CXADR: variants seen among roughly 807,000 people sequenced by gnomAD.
CXADR encodes the protein coxsackievirus and adenovirus receptor.
CXADR carries 20 observed loss-of-function variants against 40.3 expected under a neutral mutation model. The observed-to-expected ratio is 0.50, with a 90% CI of 0.35 to 0.72. The LOEUF (loss-of-function observed/expected upper bound fraction) is 0.72. Ranked by LOEUF, CXADR falls within the 30% of genes least tolerant of loss-of-function variation. The pLI is 0.01. For missense variants in CXADR, 332 were observed against 449.1 expected (o/e 0.74, Z 2.36); for synonymous variants, 150 against 161.3 (o/e 0.93, Z 0.53).
intron 7 of CXADR, among the ~76,000 whole-genome samples, chr21:17,582,097 CA>C (rs11321419): frequency 1 from 151,946 of 151,946 alleles, 75,973 homozygotes; most frequent in Non-Finnish European, 1. Context: ...GCACCTGCCA[CA>C]CATTTCCTAA....
At chr21:17,565,300 CA>C in intron 6 of CXADR, 127 bp from the exon 7 acceptor site, 1 of 908,346 alleles carries the variant, frequency 1.1e-6, no homozygotes, top group Non-Finnish European at 1.6e-6. Flanking sequence ...CACACACACA[CA>C]CACACACACA....
intron 1 of CXADR, among the ~76,000 whole-genome samples, chr21:17,514,609 G>C (rs986480422): frequency 1.3e-5 from 2 of 150,652 alleles, no homozygotes; most frequent in Non-Finnish European, 2.9e-5. Flanking sequence ...AAGCAGAAAA[G>C]TGGAAGAACA....
chr21:17,563,235 T>C (rs1188018765), intron 6 of CXADR, among the ~76,000 whole-genome samples: 2 of 152,166 alleles, frequency 1.3e-5, no homozygotes, highest in Non-Finnish European at 2.9e-5. Context: ...TGCAGTGAGC[T>C]AGGATCGCAC....
chr21:17,576,651 G>A (rs1267817780), intron 7 of CXADR: 1 of 152,138 alleles, frequency 6.6e-6, no homozygotes, highest in South Asian at 2.1e-4. Flanking sequence ...AAGTATGTCG[G>A]ATTGGGCAGT....
At chr21:17,626,298 T>C in the CXADR span, among the ~76,000 whole-genome samples, 26,234 of 152,192 alleles carry the variant, frequency 0.17, 2,693 homozygotes, top group East Asian at 0.23. Flanking sequence ...ACATGCTAAA[T>C]GTAAGCAAGA....
chr21:17,590,905 TAAAA>T, intron 7 of CXADR, among the ~76,000 whole-genome samples: 1 of 152,050 alleles, frequency 6.6e-6, no homozygotes, highest in Non-Finnish European at 1.5e-5. Context: ...TTTCCAGCAA[TAAAA>T]TTACTATCAG....
intron 3 of CXADR, among the ~76,000 whole-genome samples, chr21:17,555,881 G>A (rs1305810954): frequency 6.6e-6 from 1 of 152,116 alleles, no homozygotes; most frequent in African/African-American, 2.4e-5. Context: ...GAACCAATAA[G>A]AAATTATATT....
downstream of CXADR, among the ~76,000 whole-genome samples, chr21:17,570,696 CTTCTGGCTAATAAAATGTAT>C (rs1740101249): frequency 6.6e-6 from 1 of 152,096 alleles, no homozygotes; most frequent in South Asian, 2.1e-4. Context: ...GAGATTTGGG[CTTCTGGCTAATAAAATGTAT>C]ATCAACATGA....
chr21:17,559,266 A>G, intron 4 of CXADR, 135 bp downstream of exon 4: 4 of 889,346 alleles, frequency 4.5e-6, no homozygotes, highest in East Asian at 5.3e-5. Context: ...TGAAGCTTCA[A>G]CCTCCTAGGC....
chr21:17,529,344 A>G (rs1240749564), intron 1 of CXADR, among the ~76,000 whole-genome samples: 1 of 150,622 alleles, frequency 6.6e-6, no homozygotes, highest in East Asian at 2.0e-4. Context: ...TTTTTGAGAC[A>G]CAGTTTCATT....
In CXADR at chr21:17,566,790, T is replaced by C. The variant is rs867803568; in HGVS notation, c.*1098T>C. 157 of 966,338 alleles carry C rather than the reference T, an allele frequency of 1.6e-4. 1 individual carries two copies. The Middle Eastern group carries it at 4.8e-3, about 29-fold the overall frequency. The allele number at this position is 966,338 out of a possible 1,614,324, so 59.9% of individuals were successfully genotyped here. ...ATAAATGCAGAATAATCAAATACATTTTAAGCAAGTTAAGTGTCCTCCATC... is the reference window on the plus strand; with the variant it reads ...ATAAATGCAGAATAATCAAATACATCTTAAGCAAGTTAAGTGTCCTCCATC... On this transcript the variant is annotated 3_prime_UTR_variant, in exon 7 of 7. Coordinates refer to ENST00000284878, the MANE Select transcript of CXADR (RefSeq NM_001338.5).
At chr21:17,635,612 G>A in the CXADR span, among the ~76,000 whole-genome samples, 65,491 of 151,992 alleles carry the variant, frequency 0.43, 14,379 homozygotes, top group East Asian at 0.52. Context: ...TTTTTGAGCT[G>A]TGAAATTTAA....
intron 7 of CXADR, among the ~76,000 whole-genome samples, chr21:17,586,821 T>C (rs1303257727): frequency 2.0e-5 from 3 of 152,122 alleles, no homozygotes; most frequent in South Asian, 2.1e-4. Context: ...ATGTGCCGTG[T>C]TGGTGTGCTG....
chr21:17,592,006 G>A (rs771268335), intron 7 of CXADR, among the ~76,000 whole-genome samples: 6 of 151,900 alleles, frequency 3.9e-5, no homozygotes, highest in Non-Finnish European at 7.4e-5. Flanking sequence ...TGGAGGATGG[G>A]TAGTCGAAAC....
Position 17,565,874 on chromosome 21 carries a change from C to G in CXADR, c.*182C>G. ...GGTTATATCGAAATAGTTACAGGCA[C>G]TAAAGTTAGTAAAGAAAAGTTTACC... On this transcript the variant is annotated 3_prime_UTR_variant, in exon 7 of 7. Transcript: ENST00000284878. 1 of 1,267,886 alleles carries G rather than the reference C, an allele frequency of 7.9e-7. No homozygotes were observed. The allele number at this position is 1,267,886 out of a possible 1,614,324, so 78.5% of individuals were successfully genotyped here.
Position 17,556,797 on chromosome 21 carries a change from G to A in CXADR, c.416-2179G>A, listed in dbSNP as rs2123290157. 1.3e-5 allele frequency among the ~76,000 whole-genome samples: 2 copies of A among 152,344 alleles called. 1 individual carries two copies. The highest frequency in any genetic ancestry group is 1.3e-4 in the Admixed American group (2 of 15,304). The stretch of plus-strand genomic sequence containing the variant: ...TATTTTAAAAATGTAAGTAGGAGCA[G>A]ATGAAGGGGAATACAATTAAATTTG... On this transcript the variant is annotated intron_variant, in intron 3 of 6. Transcript: ENST00000284878.
Position 17,539,395 on chromosome 21 carries a change from C to T in CXADR, c.44-7632C>T, listed in dbSNP as rs138688105. 6.7e-3 allele frequency among the ~76,000 whole-genome samples: 1,024 copies of T among 152,322 alleles called. 13 individuals are homozygous for T. The highest frequency in any genetic ancestry group is 0.024 in the African/African-American group (981 of 41,570). On this transcript the variant is annotated intron_variant, in intron 1 of 6. Transcript: ENST00000284878. ...TCTCAGGGGATCTACAAGGATATCC[C>T]TATTACCTAAACAGACTTCTTCCTG...
chr21:17,558,825 T>C (rs2123298432), intron 3 of CXADR, 151 bp from the exon 4 acceptor site: 1 of 725,084 alleles, frequency 1.4e-6, no homozygotes, highest in Non-Finnish European at 2.2e-6. Flanking sequence ...CTGAATAAAC[T>C]GATGTTGATC....
At chr21:17,623,058 G>C in the CXADR span, among the ~76,000 whole-genome samples, 2 of 151,970 alleles carry the variant, frequency 1.3e-5, no homozygotes, top group Non-Finnish European at 2.9e-5. Flanking sequence ...TCCCACCTCA[G>C]CCTCCTGAGT....
Sources: gnomAD v4.1 joint callset for allele counts (sites outside exome capture counted in the v4.1 genomes callset) on GRCh38, gnomAD v4.1.1 for gene constraint, MANE v1.5 for transcripts, NCBI Gene and HGNC (gene_info 2026-07-23, HGNC 2026-07-21) for gene names.